The following NEO1 variants were observed in gnomAD, a reference collection of about 807,000 sequenced individuals.
NEO1 encodes neogenin 1, also known as neogenin.
NEO1 carries 63 observed loss-of-function variants against 159.7 expected under a neutral mutation model. The ratio of observed to expected loss-of-function variants is 0.39; its 90% CI spans 0.32 to 0.49. The LOEUF (loss-of-function observed/expected upper bound fraction) is 0.49. Ranked by LOEUF, NEO1 falls within the 20% of genes least tolerant of loss-of-function variation. The probability of loss-of-function intolerance (pLI) is 0.85; values close to 1 mark genes in which losing one functional copy is unlikely to be tolerated. For synonymous variants in NEO1, 633 were observed against 662.0 expected (o/e 0.96, Z 0.67); for missense variants, 1,615 against 1,831.0 (o/e 0.88, Z 2.15).
At chr15:73,118,035 C>T (rs1236913607) in intron 2 of NEO1, among the ~76,000 whole-genome samples, 1 of 152,102 alleles carries the variant, frequency 6.6e-6, no homozygotes, top group Non-Finnish European at 1.5e-5. Context: ...TCTACAACGT[C>T]ACTTAGGTCA....
chr15:73,246,400 A>G (rs1596469475), intron 9 of NEO1, among the ~76,000 whole-genome samples: 1 of 152,228 alleles, frequency 6.6e-6, no homozygotes, highest in African/African-American at 2.4e-5. Context: ...ACAGTTACCT[A>G]TGTTCAGACA....
chr15:73,247,647 A>G (rs1372813609), intron 9 of NEO1, among the ~76,000 whole-genome samples: 1 of 152,240 alleles, frequency 6.6e-6, no homozygotes, highest in Non-Finnish European at 1.5e-5. Context: ...CAGGAAAGCC[A>G]GTGTGTTTTA....
At position 73,247,532 on chromosome 15, in the gene NEO1, GT is replaced by G. The variant is rs1391906134; in HGVS notation, c.1607-1527del. On this transcript the variant is annotated intron_variant, in intron 9 of 28. Coordinates refer to ENST00000261908, the MANE Select transcript of NEO1 (RefSeq NM_002499.4). ...TGCACAAAATATGCCCTTAACTGAA[GT>G]GAATAACGTGATTCATAACTAAAGC... Among the ~76,000 whole-genome samples, 3 of 152,292 alleles carry G rather than the reference GT, an allele frequency of 2.0e-5. No homozygotes were observed. The East Asian group carries it at 5.8e-4, about 29-fold the overall frequency.
At chr15:73,287,826 G>A (rs146171346) in intron 23 of NEO1, among the ~76,000 whole-genome samples, 83 of 151,678 alleles carry the variant, frequency 5.5e-4, no homozygotes, top group African/African-American at 2.0e-3. Context: ...GTTGCAATGA[G>A]CCGATATCTC....
chr15:73,123,738 T>G (rs2071808180), intron 3 of NEO1, among the ~76,000 whole-genome samples: 2 of 152,186 alleles, frequency 1.3e-5, no homozygotes, highest in Admixed American at 1.3e-4. Context: ...CTGTTTACCT[T>G]CTGTTCTCAC....
intron 1 of NEO1, among the ~76,000 whole-genome samples, chr15:73,068,437 C>T (rs1228538989): frequency 6.6e-6 from 1 of 152,072 alleles, no homozygotes; most frequent in Non-Finnish European, 1.5e-5. Context: ...GTCTTCAACT[C>T]CTGACCTCAA....
chr15:73,147,211 T>G (rs1351965957), intron 5 of NEO1, among the ~76,000 whole-genome samples: 1 of 152,236 alleles, frequency 6.6e-6, no homozygotes, highest in African/African-American at 2.4e-5. Flanking sequence ...TGGTACATTA[T>G]AGGCATTCAG....
At chr15:73,270,572 T>A in intron 18 of NEO1, 118 bp downstream of exon 18, 1 of 1,153,820 alleles carries the variant, frequency 8.7e-7, no homozygotes. Flanking sequence ...AATTCAGTGT[T>A]TGCTATTTCA....
At chr15:73,299,725 G>C (rs1448281667) in intron 27 of NEO1, among the ~76,000 whole-genome samples, 2 of 152,220 alleles carry the variant, frequency 1.3e-5, no homozygotes, top group Non-Finnish European at 2.9e-5. Flanking sequence ...AGTGAGAAGA[G>C]TCGTTTTATT....
chr15:73,152,939 T>C (rs567953030), intron 5 of NEO1, among the ~76,000 whole-genome samples: 2 of 152,166 alleles, frequency 1.3e-5, no homozygotes, highest in African/African-American at 4.8e-5. Flanking sequence ...GAAGAGACTT[T>C]TATTATAAAG....
At chr15:73,273,095 G>C (rs2041249054) in intron 19 of NEO1, among the ~76,000 whole-genome samples, 1 of 150,790 alleles carries the variant, frequency 6.6e-6, no homozygotes, top group Admixed American at 6.6e-5. Flanking sequence ...GTCTTTGTAG[G>C]GACCTGGAAT....
rs1040345299 is a variant in NEO1, at chr15:73,251,499, G to A, written c.1894+1778G>A. 2.9e-5 allele frequency among the ~76,000 whole-genome samples: 4 copies of A among 136,188 alleles called. No individual in the cohort carries two copies. In the Admixed American group the frequency reaches 3.2e-4, roughly 11 times the overall value. 89.3% of individuals were successfully genotyped at this position (136,188 alleles called of 152,430 possible). A position where few individuals can be genotyped will look rare whatever the true frequency, so the allele number is the denominator to read the frequency against. Reference sequence around the variant, plus strand: ...ACTGCACTCCAGCCTGGATGACAGAGTGAGAAGCTGTCTCAAAAAAAAAAA... The same window carrying A: ...ACTGCACTCCAGCCTGGATGACAGAATGAGAAGCTGTCTCAAAAAAAAAAA... On this transcript the variant is annotated intron_variant, in intron 11 of 28. Transcript: ENST00000261908.
intron 7 of NEO1, among the ~76,000 whole-genome samples, chr15:73,203,450 C>T (rs1362992046): frequency 3.9e-5 from 6 of 151,964 alleles, no homozygotes; most frequent in African/African-American, 7.3e-5. Flanking sequence ...ATATTTAGGC[C>T]AGTTACATTT....
At chr15:73,137,705 C>T (rs2031915195) in intron 5 of NEO1, among the ~76,000 whole-genome samples, 1 of 152,262 alleles carries the variant, frequency 6.6e-6, no homozygotes, top group Admixed American at 6.5e-5. Flanking sequence ...CCATGTTGCC[C>T]AGGCTGGTCT....
chr15:73,294,759 C>T (rs911956168), intron 26 of NEO1, among the ~76,000 whole-genome samples: 2 of 152,024 alleles, frequency 1.3e-5, no homozygotes, highest in Non-Finnish European at 2.9e-5. Flanking sequence ...AGGCTGGTCT[C>T]AAACTCCTGA....
At chr15:73,167,151 G>A (rs550912685) in intron 5 of NEO1, among the ~76,000 whole-genome samples, 137 of 149,706 alleles carry the variant, frequency 9.2e-4, no homozygotes, top group Non-Finnish European at 1.5e-3. Flanking sequence ...GGGAGGGATA[G>A]CATTAGGAGA....
chr15:73,122,523 A>G lies in NEO1; in HGVS notation c.449-2A>G, dbSNP rs755015323. The G allele has an allele frequency of 6.2e-7, 1 of 1,613,078 alleles. No individual in the cohort carries two copies. Among genetic ancestry groups the G allele is most frequent in the Non-Finnish European group, 8.5e-7 (1 of 1,179,356 alleles). On this transcript the variant is annotated splice_acceptor_variant, in intron 2 of 28. Transcript: ENST00000261908. LOFTEE classifies it high-confidence loss of function. ...TATTTCTTCTCTTCCTTTATTGTCC[A>G]GGTCTTCCAAGATTTACCAGCCAAC...
At chr15:73,078,540 G>A (rs566963445) in intron 1 of NEO1, among the ~76,000 whole-genome samples, 2 of 152,276 alleles carry the variant, frequency 1.3e-5, no homozygotes, top group Admixed American at 6.5e-5. Context: ...GTTTCCTACC[G>A]TCCTGCTAAA....
At chr15:73,082,290 C>T (rs892701983) in intron 1 of NEO1, among the ~76,000 whole-genome samples, 4 of 152,060 alleles carry the variant, frequency 2.6e-5, no homozygotes, top group African/African-American at 7.2e-5. Flanking sequence ...GTTTTTTTCA[C>T]TGAGAAAATG....
Sources: gnomAD v4.1 joint callset for allele counts (sites outside exome capture counted in the v4.1 genomes callset) on GRCh38, gnomAD v4.1.1 for gene constraint, MANE v1.5 for transcripts, NCBI Gene and HGNC (gene_info 2026-07-23, HGNC 2026-07-21) for gene names.